The following NPAS3 variants were observed in gnomAD, a reference collection of about 807,000 sequenced individuals.
NPAS3 encodes the protein neuronal PAS domain protein 3, also known as neuronal PAS domain-containing protein 3.
A neutral mutation model predicts 73.1 loss-of-function variants in NPAS3; 14 were observed. The ratio of observed to expected loss-of-function variants is 0.19; its 90% CI spans 0.13 to 0.30. NPAS3 has a LOEUF of 0.30. Among genes scored for constraint, NPAS3 ranks in the 10% least tolerant of loss-of-function variants. The pLI is 1.00. For missense variants in NPAS3, 1,096 were observed against 1,250.0 expected (o/e 0.88, Z 1.86); for synonymous variants, 620 against 541.5 (o/e 1.14, Z -2.01).
chr14:33,791,109 C>G (rs997970900), intron 9 of NPAS3, among the ~76,000 whole-genome samples: 1 of 152,162 alleles, frequency 6.6e-6, no homozygotes, highest in African/African-American at 2.4e-5. Context: ...ATTGCCTACC[C>G]TTTAGGAATT....
At chr14:33,314,240 A>C (rs1210919035) in intron 3 of NPAS3, among the ~76,000 whole-genome samples, 1 of 152,072 alleles carries the variant, frequency 6.6e-6, no homozygotes, top group Non-Finnish European at 1.5e-5. Flanking sequence ...TTTGTTATAA[A>C]TATTTATTGT....
intron 3 of NPAS3, among the ~76,000 whole-genome samples, chr14:33,236,497 A>G (rs1037019732): frequency 5.3e-5 from 8 of 152,142 alleles, no homozygotes; most frequent in African/African-American, 2.4e-5. Flanking sequence ...ATTTATTTGT[A>G]GAAACAAGAC....
At chr14:33,379,397 T>TA (rs1191303433) in intron 4 of NPAS3, among the ~76,000 whole-genome samples, 1 of 152,208 alleles carries the variant, frequency 6.6e-6, no homozygotes, top group African/African-American at 2.4e-5. Context: ...ATAGTAATAG[T>TA]AAAAACTTTC....
At chr14:33,462,479 G>GT (rs2050317124) in intron 4 of NPAS3, among the ~76,000 whole-genome samples, 1 of 152,190 alleles carries the variant, frequency 6.6e-6, no homozygotes, top group South Asian at 2.1e-4. Flanking sequence ...ACCCTCTGAA[G>GT]TTCTCATTCC....
intron 6 of NPAS3, among the ~76,000 whole-genome samples, chr14:33,715,105 T>C (rs577436397): frequency 2.0e-4 from 31 of 152,338 alleles, no homozygotes; most frequent in African/African-American, 7.0e-4. Context: ...TGTATGTTTT[T>C]ATAGCTTGAG....
intron 3 of NPAS3, among the ~76,000 whole-genome samples, chr14:33,357,253 A>G (rs1243169802): frequency 6.6e-6 from 1 of 152,214 alleles, no homozygotes; most frequent in Non-Finnish European, 1.5e-5. Flanking sequence ...TCATCAAGTT[A>G]TGTCTGAGGC....
At chr14:33,465,738 C>T (rs1005424062) in intron 4 of NPAS3, among the ~76,000 whole-genome samples, 1 of 152,120 alleles carries the variant, frequency 6.6e-6, no homozygotes, top group African/African-American at 2.4e-5. Context: ...TTTCCTTTCG[C>T]AAAACATGCC....
intron 1 of NPAS3, among the ~76,000 whole-genome samples, chr14:33,044,500 T>G (rs184703905): frequency 1.6e-4 from 25 of 152,282 alleles, no homozygotes; most frequent in African/African-American, 5.8e-4. Flanking sequence ...GCAACAATTC[T>G]TATTTATTTT....
chr14:33,443,483 A>G (rs2049342440), intron 4 of NPAS3, among the ~76,000 whole-genome samples: 1 of 152,180 alleles, frequency 6.6e-6, no homozygotes, highest in Admixed American at 6.5e-5. Flanking sequence ...ACAAAAGAGC[A>G]CCAGTAGGGA....
intron 3 of NPAS3, among the ~76,000 whole-genome samples, chr14:33,326,185 C>T (rs571832859): frequency 6.6e-6 from 1 of 152,116 alleles, no homozygotes; most frequent in African/African-American, 2.4e-5. Context: ...AGCCGCAGTG[C>T]AGGACAGAGA....
At chr14:33,412,363 G>A (rs2047966639) in intron 4 of NPAS3, among the ~76,000 whole-genome samples, 3 of 152,040 alleles carry the variant, frequency 2.0e-5, no homozygotes, top group Non-Finnish European at 2.9e-5. Context: ...CAAGTTACCT[G>A]CCCACCTCAG....
chr14:33,055,429 A>G (rs1225343958), intron 1 of NPAS3, among the ~76,000 whole-genome samples: 1 of 152,220 alleles, frequency 6.6e-6, no homozygotes, highest in Non-Finnish European at 1.5e-5. Flanking sequence ...AGTCCATAGC[A>G]AACTCTATAT....
At chr14:33,417,812 G>A (rs1464898259) in intron 4 of NPAS3, among the ~76,000 whole-genome samples, 2 of 151,852 alleles carry the variant, frequency 1.3e-5, no homozygotes, top group Non-Finnish European at 1.5e-5. Context: ...GAAAGAGAAA[G>A]AAGCACTAAG....
At chr14:33,466,149 G>C (rs936633235) in intron 4 of NPAS3, among the ~76,000 whole-genome samples, 8 of 152,120 alleles carry the variant, frequency 5.3e-5, no homozygotes, top group Admixed American at 2.0e-4. Flanking sequence ...GTGTGGGAGA[G>C]AGGATGGAGC....
At chr14:33,784,723 T>TTATTTATTTATA (rs1286057421) in intron 9 of NPAS3, among the ~76,000 whole-genome samples, 1 of 93,264 alleles carries the variant, frequency 1.1e-5, no homozygotes, top group Non-Finnish European at 1.9e-5. Flanking sequence ...ATTGTTATTT[T>TTATTTATTTATA]TATTTATTTA....
At chr14:33,257,318 G>A (rs571410548) in intron 3 of NPAS3, among the ~76,000 whole-genome samples, 2 of 152,224 alleles carry the variant, frequency 1.3e-5, no homozygotes, top group African/African-American at 4.8e-5. Flanking sequence ...TTCTCTTGGT[G>A]CCTTCACCAT....
Position 33,800,066 on chromosome 14 carries a change from G to A in NPAS3, c.1759G>A (p.Gly587Ser), listed in dbSNP as rs1171264248. ...CAGCGCCAAGGACTCGGACAGCGCA[G>A]GCGAGGCGGGCGCGCAGGCCTCCAG... Residue 587 changes from glycine to serine, a missense_variant, in exon 12 of 12, where the codon GGC (glycine) becomes AGC (serine). Physicochemically the swap from Gly to Ser is moderately conservative, Grantham distance 56. This residue lies in a region of NPAS3 where 698 missense variants were observed against 676.7 expected (regional missense o/e 1.03). Transcript: ENST00000356141. The surrounding 1 kb of genome is among the most constrained non-coding windows in gnomAD (Gnocchi z 6.5). The A allele has an allele frequency of 6.2e-7, 1 of 1,601,134 alleles. No homozygotes were observed. The highest frequency in any genetic ancestry group is 1.7e-5 in the Admixed American group (1 of 58,752).
At chr14:33,120,390 T>C (rs1456273204) in intron 2 of NPAS3, among the ~76,000 whole-genome samples, 1 of 152,124 alleles carries the variant, frequency 6.6e-6, no homozygotes, top group East Asian at 1.9e-4. Context: ...TACTCTGGCA[T>C]TGAGGGCACT....
At chr14:33,040,272 TA>T (rs775424274) in intron 1 of NPAS3, among the ~76,000 whole-genome samples, 1 of 152,162 alleles carries the variant, frequency 6.6e-6, no homozygotes, top group Non-Finnish European at 1.5e-5. Flanking sequence ...AAGGAAATAA[TA>T]GGCATTTTTA....
Sources: allele counts gnomAD v4.1 joint callset (sites outside exome capture counted in the v4.1 genomes callset), GRCh38; gene constraint gnomAD v4.1.1; regional missense constraint gnomAD v4.1.1; non-coding constraint Gnocchi (gnomAD v3.1); transcripts MANE v1.5; gene names NCBI Gene and HGNC (gene_info 2026-07-23, HGNC 2026-07-21).